Variants in NDUFAF2 observed in about 807,000 individuals in gnomAD.
The protein encoded by NDUFAF2 is NADH:ubiquinone oxidoreductase complex assembly factor 2, also known as NADH dehydrogenase [ubiquinone] 1 alpha subcomplex assembly factor 2.
NDUFAF2 carries 13 observed loss-of-function variants against 22.8 expected under a neutral mutation model. The ratio of observed to expected loss-of-function variants is 0.57; its 90% CI spans 0.37 to 0.91. NDUFAF2 has a LOEUF of 0.91. NDUFAF2 is among the 40% of genes least tolerant of loss of function. The pLI, the probability that NDUFAF2 is intolerant of heterozygous loss-of-function variation, is 0.01. For synonymous variants in NDUFAF2, 53 were observed against 64.2 expected (o/e 0.83, Z 0.84); for missense variants, 162 against 195.2 (o/e 0.83, Z 1.01).
intron 3 of NDUFAF2, among the ~76,000 whole-genome samples, chr5:61,146,825 C>G (rs1329512734): frequency 6.6e-6 from 1 of 152,024 alleles, no homozygotes; most frequent in East Asian, 1.9e-4. Flanking sequence ...TTTTTTAGCC[C>G]TTTTTTAAAA....
intron 1 of NDUFAF2, among the ~76,000 whole-genome samples, chr5:60,969,466 AT>A (rs1280639217): frequency 6.6e-6 from 1 of 152,106 alleles, no homozygotes; most frequent in Non-Finnish European, 1.5e-5. Flanking sequence ...ATGATGAACG[AT>A]GTTGTGCACC....
chr5:60,983,098 G>A (rs1442430755), intron 1 of NDUFAF2, among the ~76,000 whole-genome samples: 3 of 151,070 alleles, frequency 2.0e-5, no homozygotes, highest in Non-Finnish European at 4.4e-5. Flanking sequence ...CATTCTAACT[G>A]GTGTGAGATG....
Position 60,945,387 on chromosome 5 carries a change from G to C in NDUFAF2, c.127+5G>C. 1 of 1,614,238 alleles carries C rather than the reference G, an allele frequency of 6.2e-7. No homozygotes were observed. The highest frequency in any genetic ancestry group is 8.5e-7 in the Non-Finnish European group (1 of 1,180,046). On this transcript the variant is annotated splice_donor_5th_base_variant and intron_variant, in intron 1 of 3. Coordinates refer to ENST00000296597, the MANE Select transcript of NDUFAF2 (RefSeq NM_174889.5). ...CGCAGTACAAGAACTGGAGAGGTGA[G>C]GTGGCGGCGTGGGCAGCGATTGCGT... is the stretch of plus-strand genomic sequence containing the variant.
chr5:61,036,100 G>A (rs1751797270), intron 1 of NDUFAF2, among the ~76,000 whole-genome samples: 1 of 152,258 alleles, frequency 6.6e-6, no homozygotes, highest in Admixed American at 6.5e-5. Flanking sequence ...AGAGTCAAAG[G>A]CTCACTTGGG....
chr5:61,111,560 C>G (rs548671995), intron 3 of NDUFAF2, among the ~76,000 whole-genome samples: 37 of 152,214 alleles, frequency 2.4e-4, no homozygotes, highest in African/African-American at 8.7e-4. Context: ...CCTCAGCCCC[C>G]CAAGTAGCTG....
intron 1 of NDUFAF2, among the ~76,000 whole-genome samples, chr5:61,062,374 A>C (rs960386492): frequency 9.9e-5 from 15 of 152,272 alleles, no homozygotes; most frequent in Admixed American, 3.9e-4. Context: ...AAAAATGAAC[A>C]AAACAGAAAT....
intron 1 of NDUFAF2, among the ~76,000 whole-genome samples, chr5:60,963,764 CAA>C (rs1750720177): frequency 6.6e-6 from 1 of 152,046 alleles, no homozygotes. Flanking sequence ...TGGTAAGTGT[CAA>C]GAGAAAAGAA....
rs1475495842 is a variant in NDUFAF2, at chr5:60,983,251, G to GT, written c.127+37876dup. On this transcript the variant is annotated intron_variant, in intron 1 of 3. Transcript: ENST00000296597. ...TGCCCACTTGTTGATGGGGTTGTTT[G>GT]TTTTTTTCTTGTAAATTTGTTTGAG... is the stretch of plus-strand genomic sequence containing the variant. Among the ~76,000 whole-genome samples the GT allele has an allele frequency of 4.4e-3, 546 of 124,738 alleles. 39 individuals are homozygous for GT. The highest frequency in any genetic ancestry group is 0.015 in the African/African-American group (506 of 33,548). The allele number at this position is 124,738 out of a possible 152,430, so 81.8% of individuals were successfully genotyped here. A position where few individuals can be genotyped will look rare whatever the true frequency, so the allele number is the denominator to read the frequency against.
In NDUFAF2 at chr5:61,100,678, C is replaced by T. The variant is rs946718998; in HGVS notation, c.258+1646C>T. On this transcript the variant is annotated intron_variant, in intron 3 of 3. Transcript: ENST00000296597. ...AACTTTCTCTACCACAGAACCTCAA[C>T]TGAAATCCGTCTGTGCCTGCAAGAT... Among the ~76,000 whole-genome samples the T allele has an allele frequency of 2.6e-5, 4 of 152,092 alleles. No individual in the cohort carries two copies. The East Asian group carries it at 7.7e-4, about 29-fold the overall frequency.
intron 1 of NDUFAF2, among the ~76,000 whole-genome samples, chr5:60,991,438 C>A (rs1413834133): frequency 6.6e-6 from 1 of 152,140 alleles, no homozygotes; most frequent in African/African-American, 2.4e-5. Context: ...TACCTATTAA[C>A]TATCCCTACT....
At chr5:60,964,293 A>G (rs966721371) in intron 1 of NDUFAF2, among the ~76,000 whole-genome samples, 1 of 152,144 alleles carries the variant, frequency 6.6e-6, no homozygotes, top group South Asian at 2.1e-4. Context: ...AAATTAACAA[A>G]TAAGATGTAT....
At chr5:60,945,550 C>T in intron 1 of NDUFAF2, 168 bp downstream of exon 1, 5 of 1,041,602 alleles carry the variant, frequency 4.8e-6, no homozygotes, top group Non-Finnish European at 5.7e-6. Context: ...ACTCTGGCAT[C>T]GGAGCCCTAC....
At chr5:60,996,336 T>C (rs184453177) in intron 1 of NDUFAF2, among the ~76,000 whole-genome samples, 1 of 152,246 alleles carries the variant, frequency 6.6e-6, no homozygotes, top group East Asian at 1.9e-4. Context: ...AGAAATGTCA[T>C]CTGGGAGCTA....
At chr5:61,009,743 G>A (rs1157968278) in intron 1 of NDUFAF2, among the ~76,000 whole-genome samples, 2 of 151,872 alleles carry the variant, frequency 1.3e-5, no homozygotes, top group Non-Finnish European at 2.9e-5. Context: ...TTGCCCTAAA[G>A]CAAATCAGAT....
intron 3 of NDUFAF2, among the ~76,000 whole-genome samples, chr5:61,114,147 AC>A (rs1752878711): frequency 6.6e-6 from 1 of 152,030 alleles, no homozygotes; most frequent in Admixed American, 6.6e-5. Flanking sequence ...CCTATTTGAG[AC>A]CAGCAACTCT....
chr5:61,129,688 T>C (rs1753084600), intron 3 of NDUFAF2, among the ~76,000 whole-genome samples: 1 of 151,924 alleles, frequency 6.6e-6, no homozygotes, highest in Non-Finnish European at 1.5e-5. Flanking sequence ...ATATACCTAA[T>C]GTAAATGATG....
chr5:61,018,390 G>A (rs971985684), intron 1 of NDUFAF2, among the ~76,000 whole-genome samples: 24 of 152,064 alleles, frequency 1.6e-4, no homozygotes, highest in Admixed American at 6.5e-4. Context: ...CGTGTCTATA[G>A]TCATTATATT....
At chr5:61,096,935 G>GTTA (rs1394398341) in intron 2 of NDUFAF2, among the ~76,000 whole-genome samples, 2 of 152,100 alleles carry the variant, frequency 1.3e-5, no homozygotes, top group Non-Finnish European at 2.9e-5. Flanking sequence ...TTGCACTACA[G>GTTA]CCTGGGTAAC....
intron 3 of NDUFAF2, chr5:61,146,055 C>G (rs920197758): frequency 2.6e-5 from 4 of 152,144 alleles, no homozygotes; most frequent in African/African-American, 9.7e-5. Flanking sequence ...TGACTAGAGA[C>G]TTTTTGTTGA....
Sources: allele counts gnomAD v4.1 joint callset (sites outside exome capture counted in the v4.1 genomes callset), GRCh38; gene constraint gnomAD v4.1.1; transcripts MANE v1.5; gene names NCBI Gene and HGNC (gene_info 2026-07-23, HGNC 2026-07-21).